TMEM164: variants seen among roughly 807,000 people sequenced by gnomAD.
TMEM164 encodes the protein RP13-360B22.2.
Under a neutral mutation model 18.8 loss-of-function variants are expected in TMEM164, and 4 were observed. The ratio of observed to expected loss-of-function variants is 0.21; its 90% CI spans 0.10 to 0.49. The LOEUF (loss-of-function observed/expected upper bound fraction) is 0.49. TMEM164 is among the 20% of genes least tolerant of loss of function. The pLI, the probability that TMEM164 is intolerant of heterozygous loss-of-function variation, is 0.98. For missense variants in TMEM164, 108 were observed against 239.9 expected, an observed-to-expected ratio of 0.45 and a Z score of 3.63; for synonymous variants, 86 against 101.7, an observed-to-expected ratio of 0.85 and a Z score of 0.93.
At chrX:110,117,344 A>G (rs2066384147) in intron 4 of TMEM164, among the ~76,000 whole-genome samples, 1 of 112,749 alleles carries the variant, frequency 8.9e-6, no homozygotes, top group Non-Finnish European at 1.9e-5. Flanking sequence ...AATTTTATAC[A>G]GTATCGATTA....
At chrX:110,035,653 A>G (rs1934758848) in intron 2 of TMEM164, among the ~76,000 whole-genome samples, 1 of 110,482 alleles carries the variant, frequency 9.1e-6, no homozygotes, top group Non-Finnish European at 1.9e-5. Flanking sequence ...ACAGGCTACC[A>G]TCACCGCGGC....
At chrX:110,167,641 C>T (rs776865892) in intron 5 of TMEM164, among the ~76,000 whole-genome samples, 3 of 110,880 alleles carry the variant, frequency 2.7e-5, no homozygotes, top group Non-Finnish European at 5.7e-5. Flanking sequence ...GATGGTGGTC[C>T]GCAAAGTAGT....
downstream of TMEM164, chrX:110,177,820 C>G (rs749016517): frequency 1.8e-5 from 2 of 111,930 alleles, no homozygotes; most frequent in Non-Finnish European, 3.8e-5. Flanking sequence ...TCCCAGAACC[C>G]TCTCAGAAGG....
intron 2 of TMEM164, among the ~76,000 whole-genome samples, 189 bp from the exon 3 acceptor site, chrX:110,067,158 A>ACG (rs1936382573): frequency 9.1e-6 from 1 of 110,482 alleles, no homozygotes; most frequent in Non-Finnish European, 1.9e-5. Context: ...GTGTGCGCAC[A>ACG]CACACACACA....
At chrX:110,147,117 C>G (rs771923546) in intron 5 of TMEM164, among the ~76,000 whole-genome samples, 7 of 111,590 alleles carry the variant, frequency 6.3e-5, no homozygotes, top group South Asian at 7.5e-4. Flanking sequence ...CCACTCATCC[C>G]TTATTGTTGC....
chrX:110,158,289 C>T (rs1294086228), intron 5 of TMEM164, among the ~76,000 whole-genome samples: 2 of 111,729 alleles, frequency 1.8e-5, no homozygotes, highest in Non-Finnish European at 3.8e-5. Context: ...AAGAAGAATC[C>T]GTGGATTTTT....
intron 4 of TMEM164, among the ~76,000 whole-genome samples, chrX:110,118,682 TCCAACCTTTGCCAAAGTA>T (rs2066406262): frequency 9.0e-6 from 1 of 111,348 alleles, no homozygotes; most frequent in South Asian, 3.7e-4. Flanking sequence ...TAGTGTCCTT[TCCAACCTTTGCCAAAGTA>T]CCACCTCACT....
chrX:110,042,235 T>C (rs1206414767), intron 2 of TMEM164, among the ~76,000 whole-genome samples: 2 of 110,544 alleles, frequency 1.8e-5, no homozygotes, highest in Non-Finnish European at 3.8e-5. Context: ...TTCTACTTTC[T>C]GTCTCTATAA....
At chrX:110,153,961 T>C (rs2066981552) in intron 5 of TMEM164, among the ~76,000 whole-genome samples, 1 of 111,853 alleles carries the variant, frequency 8.9e-6, no homozygotes, top group Non-Finnish European at 1.9e-5. Context: ...TACTGTTTTT[T>C]ATTTGTATTT....
Position 110,131,510 on chromosome X carries a change from G to A in TMEM164, c.508-13288G>A, listed in dbSNP as rs763728339. 1.2e-4 allele frequency among the ~76,000 whole-genome samples: 13 copies of A among 111,340 alleles called. No individual in the cohort carries two copies. In the East Asian group the frequency reaches 3.7e-3, roughly 31 times the overall value. ...GTGGAATCTGTAACCCAGGGTAGAGGAAAATGATGTGTTGGTCCTGTCATT... is the reference window on the plus strand; with the variant it reads ...GTGGAATCTGTAACCCAGGGTAGAGAAAAATGATGTGTTGGTCCTGTCATT... On this transcript the variant is annotated intron_variant, in intron 4 of 6. Transcript: ENST00000372068.
intron 3 of TMEM164, 41 bp from the exon 4 acceptor site, chrX:110,109,039 G>A (rs1338212934): frequency 3.4e-6 from 4 of 1,164,089 alleles, no homozygotes; most frequent in Non-Finnish European, 4.7e-6. Context: ...TTTGTATCAG[G>A]GTCTGAGTAT....
upstream of TMEM164, chrX:110,002,748 T>C: frequency 9.2e-6 from 1 of 108,896 alleles, no homozygotes; most frequent in East Asian, 3.0e-4. Context: ...AGTAGCCCGA[T>C]CCGGGGCCGC....
At chrX:110,080,577 A>G (rs921357889) in intron 3 of TMEM164, among the ~76,000 whole-genome samples, 1 of 111,995 alleles carries the variant, frequency 8.9e-6, no homozygotes, top group Non-Finnish European at 1.9e-5. Flanking sequence ...GCAACCATGA[A>G]TCTATTCTTC....
chrX:110,156,850 C>A (rs1023359653), intron 5 of TMEM164, among the ~76,000 whole-genome samples: 22 of 111,010 alleles, frequency 2.0e-4, no homozygotes, highest in African/African-American at 6.2e-4. Flanking sequence ...CTAATCAGCT[C>A]CTAAAGGCTC....
intron 3 of TMEM164, among the ~76,000 whole-genome samples, chrX:110,102,635 T>C (rs1198693128): frequency 8.9e-6 from 1 of 112,271 alleles, no homozygotes; most frequent in Non-Finnish European, 1.9e-5. Flanking sequence ...TGAGTGCTTA[T>C]TATATTCTAG....
At chrX:110,155,969 A>G (rs1444343412) in intron 5 of TMEM164, among the ~76,000 whole-genome samples, 1 of 111,481 alleles carries the variant, frequency 9.0e-6, no homozygotes, top group East Asian at 2.8e-4. Context: ...CAGTAATGCA[A>G]TCATAGCTCA....
At chrX:110,181,346 G>T (rs1160356858), downstream of TMEM164, among the ~76,000 whole-genome samples, 4 of 112,322 alleles carry the variant, frequency 3.6e-5, no homozygotes, top group Non-Finnish European at 7.5e-5. Context: ...CTCCAGAGGT[G>T]TACAGATTCT....
At chrX:110,116,416 G>A (rs1266574339) in intron 4 of TMEM164, among the ~76,000 whole-genome samples, 1 of 111,676 alleles carries the variant, frequency 9.0e-6, no homozygotes, top group East Asian at 2.8e-4. Context: ...TAAAGCCTGA[G>A]CCAAGCCTTG....
At chrX:110,054,721 A>G (rs1935734816) in intron 2 of TMEM164, among the ~76,000 whole-genome samples, 1 of 111,627 alleles carries the variant, frequency 9.0e-6, no homozygotes, top group Non-Finnish European at 1.9e-5. Context: ...CACGGGTCCT[A>G]ACTCTGCAAC....
Sources: allele counts gnomAD v4.1 joint callset (sites outside exome capture counted in the v4.1 genomes callset), GRCh38; gene constraint gnomAD v4.1.1; transcripts MANE v1.5; gene names NCBI Gene and HGNC (gene_info 2026-07-23, HGNC 2026-07-21).